Variants in KIF16B observed in about 807,000 individuals in gnomAD.
KIF16B encodes kinesin family member 16B, also known as kinesin-like protein KIF16B.
Under a neutral mutation model 156.3 loss-of-function variants are expected in KIF16B, and 98 were observed. The ratio of observed to expected loss-of-function variants is 0.63; its 90% CI spans 0.53 to 0.74. KIF16B has a LOEUF of 0.74. Ranked by LOEUF, KIF16B falls within the 30% of genes least tolerant of loss-of-function variation. KIF16B has a pLI of 0.00. For synonymous variants in KIF16B, 564 were observed against 583.7 expected (o/e 0.97, Z 0.49); for missense variants, 1,421 against 1,606.5 (o/e 0.88, Z 1.97).
chr20:16,433,252 G>A (rs759569594), intron 12 of KIF16B, among the ~76,000 whole-genome samples: 2 of 152,156 alleles, frequency 1.3e-5, no homozygotes, highest in African/African-American at 2.4e-5. Context: ...CCATGGCAAT[G>A]AATTATTACA....
chr20:16,550,605 T>G (rs892659868), intron 1 of KIF16B, among the ~76,000 whole-genome samples: 5 of 142,346 alleles, frequency 3.5e-5, no homozygotes, highest in Non-Finnish European at 6.0e-5. Context: ...CGATCAGAGC[T>G]CACTGTAGCC....
chr20:16,444,167 T>C (rs2066872772), intron 12 of KIF16B, among the ~76,000 whole-genome samples: 1 of 152,250 alleles, frequency 6.6e-6, no homozygotes, highest in Non-Finnish European at 1.5e-5. Flanking sequence ...ACTATTTACA[T>C]GTTGTAAACT....
chr20:16,325,268 C>T (rs1489518836), intron 24 of KIF16B, among the ~76,000 whole-genome samples: 1 of 151,652 alleles, frequency 6.6e-6, no homozygotes, highest in Non-Finnish European at 1.5e-5. Context: ...ACACTTTCAC[C>T]AATTCTATTC....
At chr20:16,484,818 C>G (rs1461970505) in intron 12 of KIF16B, among the ~76,000 whole-genome samples, 1 of 152,176 alleles carries the variant, frequency 6.6e-6, no homozygotes, top group Non-Finnish European at 1.5e-5. Flanking sequence ...TCAATACTCT[C>G]TTCTATAGGA....
chr20:16,518,662 A>T (rs6044054), intron 3 of KIF16B, among the ~76,000 whole-genome samples: 36,308 of 152,168 alleles, frequency 0.24, 4,961 homozygotes, highest in East Asian at 0.36. Context: ...TTTAATTTAC[A>T]TGACTGTAGA....
intron 12 of KIF16B, among the ~76,000 whole-genome samples, chr20:16,491,903 T>C (rs2068304820): frequency 6.6e-6 from 1 of 152,202 alleles, no homozygotes. Context: ...CACTCCCTGC[T>C]TTTGAGTATC....
Position 16,380,104 on chromosome 20 carries a change from A to G in KIF16B, c.1898T>C (p.Met633Thr). 6.6e-7 allele frequency: 1 copy of G among 1,526,448 alleles called. No individual in the cohort carries two copies. The allele number at this position is 1,526,448 out of a possible 1,614,324, so 94.6% of individuals were successfully genotyped here. ...QKSDKAELER[M>T]QQEVETQRKE... The stretch of plus-strand genomic sequence containing the variant: ...GCGCTGGGTCTCCACCTCCTGCTGC[A>G]TCCGCTCCAGTTCAGCCTTGTCTGA... The change falls in exon 19 of 26, where the codon ATG becomes ACG. Residue 633 changes from methionine to threonine, a missense_variant. Coordinates refer to ENST00000354981, the MANE Select transcript of KIF16B (RefSeq NM_024704.5).
chr20:16,532,269 A>T (rs2069787685), intron 1 of KIF16B, among the ~76,000 whole-genome samples: 1 of 152,184 alleles, frequency 6.6e-6, no homozygotes, highest in Non-Finnish European at 1.5e-5. Context: ...TAATCCAGGT[A>T]TGGGGAAACC....
intron 12 of KIF16B, among the ~76,000 whole-genome samples, chr20:16,478,592 C>T (rs1255231128): frequency 6.6e-6 from 1 of 152,150 alleles, no homozygotes; most frequent in African/African-American, 2.4e-5. Context: ...GGACACAAAT[C>T]ACCCTTCTTC....
intron 15 of KIF16B, among the ~76,000 whole-genome samples, chr20:16,425,945 A>C (rs541153650): frequency 6.6e-6 from 1 of 152,276 alleles, no homozygotes; most frequent in Non-Finnish European, 1.5e-5. Context: ...CAGAAGGCAA[A>C]GAGGAAGCAA....
intron 15 of KIF16B, among the ~76,000 whole-genome samples, chr20:16,407,837 C>T (rs561424863): frequency 1.3e-5 from 2 of 152,150 alleles, no homozygotes; most frequent in African/African-American, 4.8e-5. Context: ...AAAACAAAAT[C>T]TTTAGTTGGC....
intron 22 of KIF16B, among the ~76,000 whole-genome samples, chr20:16,364,253 G>T (rs2064610805): frequency 6.6e-6 from 1 of 152,162 alleles, no homozygotes; most frequent in Non-Finnish European, 1.5e-5. Context: ...AAAACAGGCA[G>T]CTGTGCACAA....
chr20:16,336,471 A>G (rs1042182079), intron 23 of KIF16B, among the ~76,000 whole-genome samples: 5 of 152,202 alleles, frequency 3.3e-5, no homozygotes, highest in African/African-American at 1.2e-4. Flanking sequence ...ATCAGCTCAC[A>G]TATGAAAGGT....
intron 25 of KIF16B, among the ~76,000 whole-genome samples, chr20:16,304,276 T>C (rs2063511706): frequency 6.6e-6 from 1 of 152,204 alleles, no homozygotes; most frequent in Admixed American, 6.5e-5. Flanking sequence ...TACCCTCCAA[T>C]TGGAGACTCT....
At chr20:16,526,324 AT>A in intron 2 of KIF16B, 119 bp from the exon 3 acceptor site, 1 of 454,392 alleles carries the variant, frequency 2.2e-6, no homozygotes, top group Non-Finnish European at 3.8e-6. Flanking sequence ...CTCTAAAAAA[AT>A]AAATAAATAA....
At chr20:16,391,551 G>A (rs1039344795) in intron 17 of KIF16B, among the ~76,000 whole-genome samples, 7 of 152,208 alleles carry the variant, frequency 4.6e-5, no homozygotes, top group Non-Finnish European at 1.0e-4. Flanking sequence ...AGGAAGGACT[G>A]AGAAGAGGAC....
At chr20:16,345,646 T>A (rs2064219315) in intron 23 of KIF16B, among the ~76,000 whole-genome samples, 1 of 152,170 alleles carries the variant, frequency 6.6e-6, no homozygotes, top group Non-Finnish European at 1.5e-5. Context: ...GGTATGAGGC[T>A]CCTAAAAGAC....
intron 12 of KIF16B, among the ~76,000 whole-genome samples, chr20:16,479,462 CAG>C (rs1246943411): frequency 1.3e-5 from 2 of 152,106 alleles, no homozygotes; most frequent in African/African-American, 4.8e-5. Context: ...ATCACCACAG[CAG>C]ATGTTTACCT....
chr20:16,279,974 C>A (rs1429364902), intron 25 of KIF16B, among the ~76,000 whole-genome samples: 1 of 152,052 alleles, frequency 6.6e-6, no homozygotes, highest in Non-Finnish European at 1.5e-5. Flanking sequence ...GTTTATGCAT[C>A]AGGAAAAAAA....
Sources: gnomAD v4.1 joint callset for allele counts (sites outside exome capture counted in the v4.1 genomes callset) on GRCh38, gnomAD v4.1.1 for gene constraint, MANE v1.5 for transcripts, NCBI Gene and HGNC (gene_info 2026-07-23, HGNC 2026-07-21) for gene names.